GABRG3: variants seen among roughly 807,000 people sequenced by gnomAD.
The protein encoded by GABRG3 is gamma-aminobutyric acid type A receptor subunit gamma3.
Under a neutral mutation model 48.8 loss-of-function variants are expected in GABRG3, and 25 were observed. The observed-to-expected ratio is 0.51, with a 90% CI of 0.37 to 0.72. The LOEUF (loss-of-function observed/expected upper bound fraction) is 0.72, where lower values mean the gene tolerates loss of function less well. GABRG3 is among the 30% of genes least tolerant of loss of function. The pLI, the probability that GABRG3 is intolerant of heterozygous loss-of-function variation, is 0.00. For synonymous variants in GABRG3, 227 were observed against 217.6 expected, an observed-to-expected ratio of 1.04 and a Z score of -0.38; for missense variants, 394 against 577.9, an observed-to-expected ratio of 0.68 and a Z score of 3.26.
intron 3 of GABRG3, among the ~76,000 whole-genome samples, chr15:27,198,260 G>A (rs1260184183): frequency 6.6e-6 from 1 of 151,992 alleles, no homozygotes; most frequent in Non-Finnish European, 1.5e-5. Context: ...TCTGACAAAG[G>A]GCTAATATCC....
intron 3 of GABRG3, among the ~76,000 whole-genome samples, chr15:27,318,707 A>G (rs1893317115): frequency 6.6e-6 from 1 of 152,144 alleles, no homozygotes; most frequent in Admixed American, 6.5e-5. Flanking sequence ...CACTGTTTCT[A>G]GCTGTGGATC....
intron 3 of GABRG3, among the ~76,000 whole-genome samples, chr15:27,303,919 C>T (rs1892303723): frequency 6.6e-6 from 1 of 151,536 alleles, no homozygotes; most frequent in African/African-American, 2.4e-5. Context: ...ACTAGGAATA[C>T]AAGACTAGTT....
intron 3 of GABRG3, among the ~76,000 whole-genome samples, chr15:27,290,704 C>T (rs1414066531): frequency 1.3e-5 from 2 of 152,098 alleles, no homozygotes; most frequent in Non-Finnish European, 2.9e-5. Context: ...ACTGTCACAA[C>T]CAAGAGGAGC....
chr15:27,388,680 T>A (rs1364211923), intron 5 of GABRG3, among the ~76,000 whole-genome samples: 1 of 152,158 alleles, frequency 6.6e-6, no homozygotes, highest in Admixed American at 6.5e-5. Flanking sequence ...ACAGGTCTGT[T>A]AATGACCTGT....
chr15:27,386,032 C>A (rs1172954578), intron 5 of GABRG3, among the ~76,000 whole-genome samples: 1 of 152,112 alleles, frequency 6.6e-6, no homozygotes, highest in Non-Finnish European at 1.5e-5. Context: ...TGTGTTATTG[C>A]AATGTTTTGT....
At chr15:27,002,205 C>T (rs1895461884) in intron 2 of GABRG3, among the ~76,000 whole-genome samples, 1 of 152,166 alleles carries the variant, frequency 6.6e-6, no homozygotes, top group South Asian at 2.1e-4. Context: ...ATACAATTTG[C>T]TGAAGGCTGC....
intron 5 of GABRG3, among the ~76,000 whole-genome samples, chr15:27,424,901 A>G (rs539141917): frequency 2.0e-5 from 3 of 152,222 alleles, no homozygotes; most frequent in East Asian, 1.9e-4. Context: ...ATTTCAGCGT[A>G]TGAACTACGG....
intron 3 of GABRG3, among the ~76,000 whole-genome samples, chr15:27,215,976 G>T (rs566494855): frequency 2.7e-4 from 41 of 152,332 alleles, no homozygotes; most frequent in African/African-American, 9.1e-4. Context: ...AAGAGGTGAA[G>T]GGTGGCTTCA....
chr15:27,375,681 C>T (rs1239932465), intron 5 of GABRG3, among the ~76,000 whole-genome samples: 1 of 152,118 alleles, frequency 6.6e-6, no homozygotes, highest in African/African-American at 2.4e-5. Context: ...ATTTTTAAAA[C>T]CATCAGGTCA....
Position 27,524,353 on chromosome 15 carries a change from T to C in GABRG3, c.866-3080T>C, listed in dbSNP as rs113588311. ...ACAAAGAGAATTTGTCACTAGCAGA[T>C]GTCCCCTAAAATGATGGCTAATGGA... On this transcript the variant is annotated intron_variant, in intron 7 of 9. Coordinates refer to ENST00000615808, the MANE Select transcript of GABRG3 (RefSeq NM_033223.5). Among the ~76,000 whole-genome samples, 320 of 152,134 alleles carry C rather than the reference T, an allele frequency of 2.1e-3. 1 individual carries two copies. Among genetic ancestry groups the C allele is most frequent in the African/African-American group, 6.5e-3 (272 of 41,556 alleles).
rs973271982 is a variant in GABRG3 at position 27,289,823 on chromosome 15, A to C, written c.271-36986A>C. On this transcript the variant is annotated intron_variant, in intron 3 of 9. Transcript: ENST00000615808. ...CCCACATGTAGCCTAATATAGATAT[A>C]GATGATTACGTATAGAAATATTTAT... Among the ~76,000 whole-genome samples the C allele has an allele frequency of 3.0e-4, 45 of 152,348 alleles. 1 individual carries two copies. The highest frequency in any genetic ancestry group is 1.0e-3 in the African/African-American group (42 of 41,596).
intron 3 of GABRG3, among the ~76,000 whole-genome samples, chr15:27,318,758 C>T (rs1252842225): frequency 1.3e-5 from 2 of 152,176 alleles, no homozygotes; most frequent in Non-Finnish European, 2.9e-5. Flanking sequence ...GTACTAAGGG[C>T]AGAGCTCCGC....
At chr15:27,388,605 A>G (rs576001176) in intron 5 of GABRG3, among the ~76,000 whole-genome samples, 16 of 152,240 alleles carry the variant, frequency 1.1e-4, no homozygotes, top group South Asian at 4.1e-4. Flanking sequence ...AAGTCACTCA[A>G]AGAGCTGTGG....
intron 5 of GABRG3, among the ~76,000 whole-genome samples, chr15:27,445,652 A>G (rs1888922198): frequency 6.6e-6 from 1 of 152,152 alleles, no homozygotes; most frequent in South Asian, 2.1e-4. Flanking sequence ...CTCTTTCTTA[A>G]TGATAATTTT....
intron 2 of GABRG3, among the ~76,000 whole-genome samples, chr15:26,989,407 TTTTGA>T (rs1215708110): frequency 1.3e-5 from 2 of 152,206 alleles, no homozygotes; most frequent in African/African-American, 2.4e-5. Context: ...TGGATAAATG[TTTTGA>T]TTTTTCTTAG....
chr15:27,353,644 G>A (rs748953288), intron 5 of GABRG3, among the ~76,000 whole-genome samples: 3 of 151,876 alleles, frequency 2.0e-5, no homozygotes, highest in East Asian at 2.0e-4. Flanking sequence ...GGGTTTTGCC[G>A]TGTTGGCCAG....
intron 3 of GABRG3, among the ~76,000 whole-genome samples, chr15:27,227,190 A>G (rs1386747911): frequency 6.6e-6 from 1 of 152,220 alleles, no homozygotes; most frequent in Admixed American, 6.5e-5. Flanking sequence ...ACAATTAATT[A>G]AGAAATAAAA....
chr15:27,445,948 T>G (rs1329640502), intron 5 of GABRG3, among the ~76,000 whole-genome samples: 1 of 152,310 alleles, frequency 6.6e-6, no homozygotes, highest in East Asian at 1.9e-4. Flanking sequence ...AGGAACTAAT[T>G]GGCTGTAAAT....
At chr15:27,195,433 G>A (rs1314944009) in intron 3 of GABRG3, among the ~76,000 whole-genome samples, 2 of 152,112 alleles carry the variant, frequency 1.3e-5, no homozygotes, top group African/African-American at 2.4e-5. Flanking sequence ...CCAGGTTCAA[G>A]CGATTCTCCT....
Sources: gnomAD v4.1 joint callset for allele counts (sites outside exome capture counted in the v4.1 genomes callset) on GRCh38, gnomAD v4.1.1 for gene constraint, MANE v1.5 for transcripts, NCBI Gene and HGNC (gene_info 2026-07-23, HGNC 2026-07-21) for gene names.